Variants in QTGAL observed in about 807,000 individuals in gnomAD.
QTGAL encodes BGnT-like protein 1.
the QTGAL span, among the ~76,000 whole-genome samples, chr17:83,000,048 T>C: frequency 2.0e-5 from 3 of 152,114 alleles, no homozygotes; most frequent in Admixed American, 1.3e-4. Context: ...CTGCAACCTC[T>C]GCCACCTGGG....
the QTGAL span, among the ~76,000 whole-genome samples, chr17:82,970,848 T>C: frequency 1.3e-5 from 2 of 152,216 alleles, no homozygotes; most frequent in African/African-American, 2.4e-5. Flanking sequence ...TGGCTCATGC[T>C]TCTGGTTGGG....
At chr17:83,007,503 G>C in the QTGAL span, among the ~76,000 whole-genome samples, 1 of 152,304 alleles carries the variant, frequency 6.6e-6, no homozygotes, top group Middle Eastern at 3.4e-3. Context: ...CGTGAAGACA[G>C]AGAGGCTCAG....
At chr17:83,032,743 G>A in the QTGAL span, among the ~76,000 whole-genome samples, 1 of 152,346 alleles carries the variant, frequency 6.6e-6, no homozygotes, top group African/African-American at 2.4e-5. Context: ...GAAAACGGGA[G>A]AAATCTGAGG....
At chr17:83,024,937 G>A in the QTGAL span, among the ~76,000 whole-genome samples, 56 of 152,344 alleles carry the variant, frequency 3.7e-4, no homozygotes, top group African/African-American at 1.0e-3. Flanking sequence ...CAAAGCAGCC[G>A]GCAGCTGCAA....
chr17:82,960,704 C>T, the QTGAL span, among the ~76,000 whole-genome samples: 1 of 152,198 alleles, frequency 6.6e-6, no homozygotes, highest in East Asian at 1.9e-4. Flanking sequence ...GCTGCGCCCC[C>T]CAGGCCTGTG....
chr17:83,039,052 G>A, the QTGAL span, among the ~76,000 whole-genome samples: 1 of 152,076 alleles, frequency 6.6e-6, no homozygotes, highest in Non-Finnish European at 1.5e-5. Flanking sequence ...TACACAAGAC[G>A]ATGATGATGA....
At chr17:82,991,758 C>A in the QTGAL span, among the ~76,000 whole-genome samples, 2 of 152,144 alleles carry the variant, frequency 1.3e-5, no homozygotes, top group African/African-American at 2.4e-5. Context: ...AGATATGTGA[C>A]CTTTCAGTCA....
chr17:82,958,756 A>G, the QTGAL span, among the ~76,000 whole-genome samples: 2 of 149,250 alleles, frequency 1.3e-5, no homozygotes, highest in African/African-American at 2.5e-5. Context: ...GGACACAGGG[A>G]GATGCTTATC....
the QTGAL span, among the ~76,000 whole-genome samples, chr17:83,051,160 C>T: frequency 6.4e-5 from 1 of 15,506 alleles, no homozygotes; most frequent in African/African-American, 2.8e-4. Flanking sequence ...GGCAGGTGTG[C>T]GGGGGCGGGG....
the QTGAL span, among the ~76,000 whole-genome samples, chr17:83,048,199 G>A: frequency 6.6e-6 from 1 of 152,076 alleles, no homozygotes. Flanking sequence ...GCTAATTTTT[G>A]TATTTTTTGG....
chr17:83,039,022 G>A, the QTGAL span, among the ~76,000 whole-genome samples: 1 of 152,032 alleles, frequency 6.6e-6, no homozygotes. Context: ...GATATAACTT[G>A]GGAAAAAACA....
the QTGAL span, chr17:82,965,765 G>A: frequency 6.3e-7 from 1 of 1,596,314 alleles, no homozygotes; most frequent in Non-Finnish European, 8.6e-7. Flanking sequence ...AATTAACGTT[G>A]ACAGAGTTAG....
the QTGAL span, among the ~76,000 whole-genome samples, chr17:83,032,844 C>T: frequency 6.6e-6 from 1 of 152,236 alleles, no homozygotes; most frequent in Non-Finnish European, 1.5e-5. Flanking sequence ...GTTCCGCCTT[C>T]CCGAGCTGGG....
At chr17:82,961,564 C>T in the QTGAL span, among the ~76,000 whole-genome samples, 1 of 152,196 alleles carries the variant, frequency 6.6e-6, no homozygotes, top group East Asian at 1.9e-4. Context: ...CCTTTCCTGC[C>T]AGTGGCTGCA....
chr17:82,997,215 G>A, the QTGAL span, among the ~76,000 whole-genome samples: 45,934 of 152,120 alleles, frequency 0.3, 7,627 homozygotes, highest in East Asian at 0.39. Flanking sequence ...AGAATAATCC[G>A]ATTAAATGTG....
At chr17:83,013,629 C>A in the QTGAL span, among the ~76,000 whole-genome samples, 10 of 151,756 alleles carry the variant, frequency 6.6e-5, no homozygotes, top group African/African-American at 2.4e-4. Flanking sequence ...TGTGACCTGA[C>A]CAGGATGTGA....
At chr17:82,957,350 G>A in the QTGAL span, 4 of 1,613,522 alleles carry the variant, frequency 2.5e-6, no homozygotes, top group Non-Finnish European at 3.4e-6. Flanking sequence ...AGGGTGGCAG[G>A]ATGCTCACCT....
the QTGAL span, among the ~76,000 whole-genome samples, chr17:82,983,118 A>C: frequency 4.9e-4 from 74 of 152,260 alleles, no homozygotes; most frequent in East Asian, 0.013. Flanking sequence ...TGGTCTCTAC[A>C]AAAACACGAA....
the QTGAL span, among the ~76,000 whole-genome samples, chr17:83,013,998 C>T: frequency 1.3e-5 from 2 of 152,146 alleles, no homozygotes; most frequent in East Asian, 3.9e-4. Context: ...TGTGCTTCCT[C>T]CCCACTGGGC....
Sources: gnomAD v4.1 joint callset for allele counts (sites outside exome capture counted in the v4.1 genomes callset) on GRCh38, gnomAD v4.1.1 for gene constraint, MANE v1.5 for transcripts, NCBI Gene and HGNC (gene_info 2026-07-23, HGNC 2026-07-21) for gene names.